The following GP5 variants were observed in gnomAD, a reference collection of about 807,000 sequenced individuals.
The protein encoded by GP5 is platelet glycoprotein V.
For missense variants in GP5, 755 were observed against 737.1 expected, an observed-to-expected ratio of 1.02 and a Z score of -0.28; for synonymous variants, 382 against 353.9, an observed-to-expected ratio of 1.08 and a Z score of -0.89.
In GP5 at chr3:194,397,401, C is replaced by T. The variant is rs190002419; in HGVS notation, c.882G>A (p.Glu294=). Residue 294 remains glutamate, a synonymous_variant, in exon 2 of 2, where the codon GAG becomes GAA. Coordinates refer to ENST00000692618, the MANE Select transcript of GP5 (RefSeq NM_004488.2). The surrounding 1 kb of genome is among the most constrained non-coding windows in gnomAD (Gnocchi z 7.2). ...GCAGCTGGGTGCGGTTCAGCCACAG[C>T]TCCTGCAGGCCCCCCATCTCCCCGA... ...VLFGEMGGLQ[E]LWLNRTQLRT... is the part of the protein sequence containing the mutation. The T allele has an allele frequency of 1.5e-3, 2,463 of 1,612,598 alleles. 5 individuals carry two copies. The highest frequency in any genetic ancestry group is 2.7e-3 in the Admixed American group (160 of 60,014).
Position 194,397,063 on chromosome 3 carries a change from A to G in GP5, c.1220T>C (p.Phe407Ser), listed in dbSNP as rs774711561. ...NQLETLPGDV[F>S]GALPRLTEVL... is the part of the protein sequence containing the mutation. ...CTCCGTCAGCCGGGGCAGAGCCCCA[A>G]ACACGTCGCCAGGCAGGGTCTCCAG... The change falls in exon 2 of 2, where the codon TTT becomes TCT. Residue 407 changes from phenylalanine (F) to serine (S), a missense_variant. Transcript: ENST00000692618. The surrounding 1 kb of genome is among the most constrained non-coding windows in gnomAD (Gnocchi z 7.2). 14 of 1,596,506 alleles carry G rather than the reference A, an allele frequency of 8.8e-6. No individual in the cohort carries two copies. The highest frequency in any genetic ancestry group is 6.7e-5 in the Admixed American group (4 of 59,692).
At position 194,397,869 on chromosome 3, in the gene GP5, G is replaced by C; in HGVS notation, c.414C>G (p.Asp138Glu). ...TAACCAGTTTCTGAAACATGTTTTG[G>C]TCAATGCCCCTTAGCGCATTGTGGT... The part of the protein sequence containing the change: ...FLDHNALRGI[D>E]QNMFQKLVNL... Residue 138 changes from aspartate to glutamate, a missense_variant, in exon 2 of 2, where the codon GAC becomes GAG. By Grantham distance (45) the Asp-to-Glu change is conservative (BLOSUM62 2). Coordinates refer to ENST00000692618, the MANE Select transcript of GP5 (RefSeq NM_004488.2). The surrounding 1 kb of genome is among the most constrained non-coding windows in gnomAD (Gnocchi z 7.2). 2 of 1,613,974 alleles carry C rather than the reference G, an allele frequency of 1.2e-6. No homozygotes were observed. The highest frequency in any genetic ancestry group is 2.7e-5 in the African/African-American group (2 of 75,048).
In GP5 at chr3:194,396,609, G is replaced by C; in HGVS notation, c.1674C>G (p.Ala558=). The change falls in exon 2 of 2, where the codon GCC becomes GCG. Residue 558 remains alanine (A), a synonymous_variant. Coordinates refer to ENST00000692618, the MANE Select transcript of GP5 (RefSeq NM_004488.2). ...QLFRKLIRER[A]LG ...AGATTTTCCCATTGGTTTACCCAAG[G>C]GCTCTCTCTCTGATTAATTTTCGAA... The C allele has an allele frequency of 2.5e-6, 4 of 1,608,936 alleles. No homozygotes were observed. The highest frequency in any genetic ancestry group is 1.1e-5 in the South Asian group (1 of 90,394).
Position 194,396,652 on chromosome 3 carries a change from A to T in GP5, c.1631T>A (p.Ile544Asn). ...MITVIIVFAM[I>N]KIGQLFRKLI... is the part of the protein sequence containing the mutation. ...TTTTCGAAAGAGTTGGCCAATTTTA[A>T]TCATAGCAAACACGATGATCACGGT... Residue 544 changes from isoleucine (I) to asparagine (N), a missense_variant, in exon 2 of 2, where the codon ATT (isoleucine) becomes AAT (asparagine). Ile to Asn is a moderately radical substitution (Grantham distance 149). Transcript: ENST00000692618. 2.5e-6 allele frequency: 4 copies of T among 1,613,246 alleles called. No individual in the cohort carries two copies. Among genetic ancestry groups the T allele is most frequent in the Non-Finnish European group, 3.4e-6 (4 of 1,179,340 alleles).
rs576801443 is a variant in GP5 at position 194,397,890 on chromosome 3, G to A, written c.393C>T (p.His131=). Residue 131 remains histidine (H), a synonymous_variant, in exon 2 of 2, where the codon CAC becomes CAT. Coordinates refer to ENST00000692618, the MANE Select transcript of GP5 (RefSeq NM_004488.2). The surrounding 1 kb of genome is among the most constrained non-coding windows in gnomAD (Gnocchi z 7.2). The stretch of plus-strand genomic sequence containing the variant: ...TTTGGTCAATGCCCCTTAGCGCATT[G>A]TGGTCCAAAAACAACTGCTCCAGGA... ...MVLLEQLFLD[H]NALRGIDQNM... is the part of the protein sequence containing the mutation. 1 of 1,614,118 alleles carries A rather than the reference G, an allele frequency of 6.2e-7. No individual in the cohort carries two copies. Among genetic ancestry groups the A allele is most frequent in the Non-Finnish European group, 8.5e-7 (1 of 1,179,974 alleles).
Position 194,397,625 on chromosome 3 carries a change from G to A in GP5, c.658C>T (p.Leu220=). 1 of 1,614,142 alleles carries A rather than the reference G, an allele frequency of 6.2e-7. No homozygotes were observed. Among genetic ancestry groups the A allele is most frequent in the Non-Finnish European group, 8.5e-7 (1 of 1,179,994 alleles). ...DSGLLNSLGA[L]TELQFHRNHI... ...TTTCGGTGGAACTGCAGCTCCGTCAGGGCGCCCAGGCTGTTCAACAGCCCC... is the reference window on the plus strand; with the variant it reads ...TTTCGGTGGAACTGCAGCTCCGTCAAGGCGCCCAGGCTGTTCAACAGCCCC... Residue 220 remains leucine (L), a synonymous_variant, in exon 2 of 2, where the codon CTG becomes TTG. Coordinates refer to ENST00000692618, the MANE Select transcript of GP5 (RefSeq NM_004488.2). The surrounding 1 kb of genome is among the most constrained non-coding windows in gnomAD (Gnocchi z 7.2).
Position 194,397,358 on chromosome 3 carries a change from C to T in GP5, c.925G>A (p.Ala309Thr). 6.2e-7 allele frequency: 1 copy of T among 1,603,762 alleles called. No homozygotes were observed. The highest frequency in any genetic ancestry group is 8.5e-7 in the Non-Finnish European group (1 of 1,177,990). The change falls in exon 2 of 2, where the codon GCC (alanine) becomes ACC (threonine). Residue 309 changes from alanine (A) to threonine (T), a missense_variant. By Grantham distance (58) the Ala-to-Thr change is moderately conservative. Coordinates refer to ENST00000692618, the MANE Select transcript of GP5 (RefSeq NM_004488.2). The surrounding 1 kb of genome is among the most constrained non-coding windows in gnomAD (Gnocchi z 7.2). ...CGCAGGCGGCTCAGGTTGCGGAAGG[C>T]GGCGGCGGGCAGGGTGCGCAGCTGG... ...RTQLRTLPAAAFRNLSRLRYL... is the reference protein window; with the variant it reads ...RTQLRTLPAATFRNLSRLRYL...
Position 194,396,619 on chromosome 3 carries a change from CTGAT to C in GP5, c.1660_1663del (p.Ile554GlufsTer138). ...ATTGGTTTACCCAAGGGCTCTCTCT[CTGAT>C]TAATTTTCGAAAGAGTTGGCCAATT... On this transcript the variant is annotated frameshift_variant, in exon 2 of 2. Transcript: ENST00000692618. LOFTEE classifies it high-confidence loss of function. 3 of 1,611,160 alleles carry C rather than the reference CTGAT, an allele frequency of 1.9e-6. No homozygotes were observed. The highest frequency in any genetic ancestry group is 2.5e-6 in the Non-Finnish European group (3 of 1,178,232).
chr3:194,398,614 G>T (rs1486159994), intron 1 of GP5, among the ~76,000 whole-genome samples: 1 of 152,194 alleles, frequency 6.6e-6, no homozygotes, highest in African/African-American at 2.4e-5. Context: ...ACATCACAAA[G>T]CAATGTCCAT....
In GP5 at chr3:194,397,132, C is replaced by T. The variant is rs781530104; in HGVS notation, c.1151G>A (p.Arg384His). 7 of 1,588,444 alleles carry T rather than the reference C, an allele frequency of 4.4e-6. No individual in the cohort carries two copies. Among genetic ancestry groups the T allele is most frequent in the Admixed American group, 3.4e-5 (2 of 58,432 alleles). Residue 384 changes from arginine to histidine, a missense_variant, in exon 2 of 2, where the codon CGC becomes CAC. Physicochemically the swap from Arg to His is conservative, Grantham distance 29. Coordinates refer to ENST00000692618, the MANE Select transcript of GP5 (RefSeq NM_004488.2). The surrounding 1 kb of genome is among the most constrained non-coding windows in gnomAD (Gnocchi z 7.2). ...RLRALPRALF[R>H]NLSSLESVQL... ...GACGCTCTCCAGGCTGCTGAGATTG[C>T]GGAAGAGGGCACGGGGCAGGGCGCG...
intron 1 of GP5, 154 bp from the exon 2 acceptor site, chr3:194,398,438 A>G (rs1714526680): frequency 4.3e-6 from 3 of 703,980 alleles, no homozygotes; most frequent in Non-Finnish European, 4.7e-6. Flanking sequence ...TACGTGGTGA[A>G]AAGACACTCA....
chr3:194,397,008 G>A lies in GP5; in HGVS notation c.1275C>T (p.Cys425=), dbSNP rs751728758. The A allele has an allele frequency of 5.0e-6, 8 of 1,595,898 alleles. No homozygotes were observed. Among genetic ancestry groups the A allele is most frequent in the South Asian group, 1.1e-5 (1 of 90,198 alleles). The change falls in exon 2 of 2, where the codon TGC becomes TGT. Residue 425 remains cysteine (C), a synonymous_variant. Coordinates refer to ENST00000692618, the MANE Select transcript of GP5 (RefSeq NM_004488.2). This position sits in a 1 kb window ranked among gnomAD's most constrained non-coding sequence, Gnocchi z 7.2. ...EVLLGHNSWR[C]DCGLGPFLGW... is the part of the protein sequence containing the mutation. ...CCAGGAAGGGCCCCAGGCCACAGTC[G>A]CAGCGCCAGGAGTTGTGCCCCAACA... is the stretch of plus-strand genomic sequence containing the variant.
intron 1 of GP5, 48 bp from the exon 2 acceptor site, chr3:194,398,332 G>T: frequency 6.7e-7 from 1 of 1,502,528 alleles, no homozygotes; most frequent in Non-Finnish European, 8.9e-7. Flanking sequence ...GAGCGTTCGC[G>T]CCTGTACTGA....
chr3:194,397,324 C>T lies in GP5; in HGVS notation c.959G>A (p.Gly320Glu), dbSNP rs769233893. The change falls in exon 2 of 2, where the codon GGG becomes GAG. Residue 320 changes from glycine to glutamate, a missense_variant. Physicochemically the swap from Gly to Glu is moderately conservative, Grantham distance 98 (BLOSUM62 -2). Coordinates refer to ENST00000692618, the MANE Select transcript of GP5 (RefSeq NM_004488.2). The surrounding 1 kb of genome is among the most constrained non-coding windows in gnomAD (Gnocchi z 7.2). ...GCTCAGCCGCGGGCTCAGAGTCACC[C>T]CTAAGTACCGCAGGCGGCTCAGGTT... The part of the protein sequence containing the change: ...FRNLSRLRYL[G>E]VTLSPRLSAL... 1.9e-6 allele frequency: 3 copies of T among 1,595,622 alleles called. No homozygotes were observed. Among genetic ancestry groups the T allele is most frequent in the African/African-American group, 2.7e-5 (2 of 74,680 alleles).
chr3:194,398,106 T>G lies in GP5; in HGVS notation c.177A>C (p.Gly59=). Residue 59 remains glycine (G), a synonymous_variant, in exon 2 of 2, where the codon GGA becomes GGC. Transcript: ENST00000692618. ...PTNLTHILLF[G]MGRGVLQSQS... is the part of the protein sequence containing the mutation. ...GGCTCTGCAGGACGCCGCGGCCCAT[T>G]CCGAAGAGCAGGATGTGCGTGAGGT... The G allele has an allele frequency of 6.2e-7, 1 of 1,613,690 alleles. No individual in the cohort carries two copies. Among genetic ancestry groups the G allele is most frequent in the South Asian group, 1.1e-5 (1 of 91,070 alleles).
intron 1 of GP5, among the ~76,000 whole-genome samples, chr3:194,398,864 C>T (rs768707144): frequency 1.3e-5 from 2 of 152,204 alleles, no homozygotes; most frequent in Non-Finnish European, 2.9e-5. Context: ...GCATTGTTCT[C>T]AGCTCTTTAT....
Position 194,396,441 on chromosome 3 carries a change from G to A in GP5, c.*159C>T, listed in dbSNP as rs983849737. The A allele has an allele frequency of 1.5e-5, 9 of 614,182 alleles. No homozygotes were observed. Among genetic ancestry groups the A allele is most frequent in the Admixed American group, 2.5e-5 (1 of 39,412 alleles). The allele number at this position is 614,182 out of a possible 1,614,324, so 38.0% of individuals were successfully genotyped here. On this transcript the variant is annotated 3_prime_UTR_variant, in exon 2 of 2. Coordinates refer to ENST00000692618, the MANE Select transcript of GP5 (RefSeq NM_004488.2). Reference sequence around the variant, plus strand: ...GAGAATGAAGAGCACAGAGCGGAGAGGGGGAGGAGGAGGGAAAGGAAGGCG... The same window carrying A: ...GAGAATGAAGAGCACAGAGCGGAGAAGGGGAGGAGGAGGGAAAGGAAGGCG...
In GP5 at chr3:194,397,139, G is replaced by A. The variant is rs1201921175; in HGVS notation, c.1144C>T (p.Leu382Phe). Residue 382 changes from leucine to phenylalanine, a missense_variant, in exon 2 of 2, where the codon CTC (leucine) becomes TTC (phenylalanine). Coordinates refer to ENST00000692618, the MANE Select transcript of GP5 (RefSeq NM_004488.2). This position sits in a 1 kb window ranked among gnomAD's most constrained non-coding sequence, Gnocchi z 7.2. ...RNRLRALPRA[L>F]FRNLSSLESV... ...TCCAGGCTGCTGAGATTGCGGAAGA[G>A]GGCACGGGGCAGGGCGCGCAGCCTG... The A allele has an allele frequency of 1.3e-6, 2 of 1,587,276 alleles. No individual in the cohort carries two copies. Among genetic ancestry groups the A allele is most frequent in the South Asian group, 2.2e-5 (2 of 89,410 alleles).
At position 194,397,175 on chromosome 3, in the gene GP5, G is replaced by T; in HGVS notation, c.1108C>A (p.Leu370Met). Residue 370 changes from leucine (L) to methionine (M), a missense_variant, in exon 2 of 2, where the codon CTG becomes ATG. Leu to Met is a conservative substitution (Grantham distance 15). Transcript: ENST00000692618. The surrounding 1 kb of genome is among the most constrained non-coding windows in gnomAD (Gnocchi z 7.2). ...RGLGKLRQVS[L>M]RRNRLRALPR... ...AGGGCGCGCAGCCTGTTGCGGCGCA[G>T]GGACACCTGGCGCAGCTTGCCGAGG... The T allele has an allele frequency of 3.2e-6, 5 of 1,576,810 alleles. No individual in the cohort carries two copies. In the South Asian group the frequency reaches 4.5e-5, roughly 14 times the overall value.
Sources: gnomAD v4.1 joint callset for allele counts (sites outside exome capture counted in the v4.1 genomes callset) on GRCh38, gnomAD v4.1.1 for gene constraint, Gnocchi (gnomAD v3.1) non-coding constraint, MANE v1.5 for transcripts, NCBI Gene and HGNC (gene_info 2026-07-23, HGNC 2026-07-21) for gene names.